Variants in CTXN2 observed in about 807,000 individuals in gnomAD.
The protein encoded by CTXN2 is cortexin 2, also known as cortexin-2.
In CTXN2, 3 loss-of-function variants were observed where a neutral mutation model predicts 5.7. The ratio of observed to expected loss-of-function variants is 0.53; its 90% CI spans 0.24 to 1.36. The LOEUF (loss-of-function observed/expected upper bound fraction) is 1.36, where lower values mean the gene tolerates loss of function less well. Ranked by LOEUF, CTXN2 falls within the 40% of genes most tolerant of loss-of-function variation. The pLI is 0.17. For synonymous variants in CTXN2, 38 were observed against 36.4 expected, an observed-to-expected ratio of 1.04 and a Z score of -0.16; for missense variants, 87 against 93.0, an observed-to-expected ratio of 0.94 and a Z score of 0.26.
chr15:48,186,909 C>CAAA (rs751653728), upstream of CTXN2, among the ~76,000 whole-genome samples: 7 of 44,460 alleles, frequency 1.6e-4, no homozygotes, highest in East Asian at 1.4e-3. Context: ...GACTCCATCT[C>CAAA]AAAAAAAAAA....
intron 1 of CTXN2, among the ~76,000 whole-genome samples, chr15:48,179,883 A>G (rs2040680924): frequency 6.6e-6 from 1 of 152,204 alleles, no homozygotes; most frequent in African/African-American, 2.4e-5. Flanking sequence ...TGTTGAATTC[A>G]GTATGAAAAT....
At chr15:48,197,791 T>C (rs1480896926) in intron 1 of CTXN2, among the ~76,000 whole-genome samples, 1 of 152,076 alleles carries the variant, frequency 6.6e-6, no homozygotes, top group Non-Finnish European at 1.5e-5. Context: ...CATCTATTCC[T>C]CCAAGGTAGT....
intron 1 of CTXN2, among the ~76,000 whole-genome samples, chr15:48,183,025 C>A (rs141507880): frequency 1.1e-4 from 17 of 152,194 alleles, no homozygotes; most frequent in Non-Finnish European, 1.8e-4. Context: ...GCTTCTCTTT[C>A]CCTTCCTCCT....
chr15:48,197,271 C>T (rs1156792858), intron 1 of CTXN2, among the ~76,000 whole-genome samples: 2 of 151,988 alleles, frequency 1.3e-5, no homozygotes, highest in African/African-American at 2.4e-5. Context: ...CCCTTCTAGA[C>T]ATCATTCAGG....
chr15:48,198,579 G>A (rs2140987527), intron 1 of CTXN2, among the ~76,000 whole-genome samples: 1 of 152,228 alleles, frequency 6.6e-6, no homozygotes, highest in South Asian at 2.1e-4. Flanking sequence ...AGTATAAAAG[G>A]ATTTTGTTTG....
At chr15:48,187,527 T>A (rs370454043), upstream of CTXN2, among the ~76,000 whole-genome samples, 412 of 152,238 alleles carry the variant, frequency 2.7e-3, 1 homozygote, top group African/African-American at 9.6e-3. Flanking sequence ...TCCTGAAAAA[T>A]TGAAAGTAAC....
At chr15:48,195,765 A>G (rs2040872837) in intron 1 of CTXN2, among the ~76,000 whole-genome samples, 1 of 152,102 alleles carries the variant, frequency 6.6e-6, no homozygotes, top group Non-Finnish European at 1.5e-5. Flanking sequence ...AAGATGTTGA[A>G]GATAGTATCA....
chr15:48,191,913 C>T (rs766625628), intron 1 of CTXN2, 60 bp downstream of exon 1: 67 of 439,724 alleles, frequency 1.5e-4, no homozygotes, highest in Admixed American at 6.2e-4. Context: ...TAACTGACAG[C>T]GTTCCAAATG....
At chr15:48,198,549 A>G (rs573584128) in intron 1 of CTXN2, among the ~76,000 whole-genome samples, 1 of 152,302 alleles carries the variant, frequency 6.6e-6, no homozygotes, top group South Asian at 2.1e-4. Flanking sequence ...TCGCTGTATG[A>G]TGGACATATT....
At chr15:48,199,798 T>C (rs1376233679) in intron 1 of CTXN2, among the ~76,000 whole-genome samples, 1 of 152,170 alleles carries the variant, frequency 6.6e-6, no homozygotes, top group Non-Finnish European at 1.5e-5. Flanking sequence ...GTCTTCTCAC[T>C]ATACTATATT....
chr15:48,200,518 T>C (rs2043620570), intron 1 of CTXN2, among the ~76,000 whole-genome samples: 1 of 152,150 alleles, frequency 6.6e-6, no homozygotes, highest in African/African-American at 2.4e-5. Flanking sequence ...CTGTTTAACT[T>C]GGATTTTATG....
At chr15:48,187,395 T>G (rs1289446259), upstream of CTXN2, among the ~76,000 whole-genome samples, 1 of 151,358 alleles carries the variant, frequency 6.6e-6, no homozygotes, top group African/African-American at 2.4e-5. Flanking sequence ...AATTTCACAT[T>G]TGAAAGATAT....
At chr15:48,193,175 A>G (rs2040840834) in intron 1 of CTXN2, among the ~76,000 whole-genome samples, 2 of 152,132 alleles carry the variant, frequency 1.3e-5, no homozygotes, top group African/African-American at 4.8e-5. Flanking sequence ...ATGACTCATC[A>G]GTACTTAGAA....
chr15:48,200,641 G>A (rs2040920643), intron 1 of CTXN2, among the ~76,000 whole-genome samples: 2 of 152,118 alleles, frequency 1.3e-5, no homozygotes, highest in Admixed American at 6.5e-5. Context: ...CTGCATTAAT[G>A]TAATTTTAAA....
chr15:48,179,106 A>AT (rs889504833), intron 1 of CTXN2, among the ~76,000 whole-genome samples: 1 of 152,024 alleles, frequency 6.6e-6, no homozygotes, highest in Non-Finnish European at 1.5e-5. Context: ...ACAGTCGTAG[A>AT]TTTTTCCCCC....
In CTXN2 at chr15:48,201,440, G is replaced by T; in HGVS notation, c.140G>T (p.Arg47Leu). Residue 47 changes from arginine (R) to leucine (L), a missense_variant, in exon 2 of 2, where the codon CGA (arginine) becomes CTA (leucine). Coordinates refer to ENST00000417307, the MANE Select transcript of CTXN2 (RefSeq NM_001145668.2). Reference protein sequence around the residue: ...LCIFLGLLIIRCFKILLDPYS... With the variant: ...LCIFLGLLIILCFKILLDPYS... ...ATCTTCTTGGGACTTCTTATTATCC[G>T]ATGCTTCAAAATCCTGCTAGACCCA... is the stretch of plus-strand genomic sequence containing the variant. 1 of 1,551,320 alleles carries T rather than the reference G, an allele frequency of 6.4e-7. No homozygotes were observed. The highest frequency in any genetic ancestry group is 8.7e-7 in the Non-Finnish European group (1 of 1,146,748).
At chr15:48,194,950 T>C (rs1318279064) in intron 1 of CTXN2, among the ~76,000 whole-genome samples, 1 of 152,152 alleles carries the variant, frequency 6.6e-6, no homozygotes, top group East Asian at 1.9e-4. Context: ...CCATCCTGTA[T>C]AAAGTCTTCT....
At chr15:48,198,310 T>C (rs2040898138) in intron 1 of CTXN2, among the ~76,000 whole-genome samples, 1 of 152,264 alleles carries the variant, frequency 6.6e-6, no homozygotes, top group South Asian at 2.1e-4. Flanking sequence ...GCATGCTTTT[T>C]GGATATCTAA....
chr15:48,180,659 C>G (rs1193885817), intron 1 of CTXN2, among the ~76,000 whole-genome samples: 1 of 152,100 alleles, frequency 6.6e-6, no homozygotes, highest in East Asian at 1.9e-4. Context: ...CTACAGGCGC[C>G]CGCCAGCAGG....
Sources: gnomAD v4.1 joint callset for allele counts (sites outside exome capture counted in the v4.1 genomes callset) on GRCh38, gnomAD v4.1.1 for gene constraint, MANE v1.5 for transcripts, NCBI Gene and HGNC (gene_info 2026-07-23, HGNC 2026-07-21) for gene names.